PRKAR2B: variants seen among roughly 807,000 people sequenced by gnomAD.
The protein encoded by PRKAR2B is protein kinase cAMP-dependent type II regulatory subunit beta, also known as cAMP-dependent protein kinase type II-beta regulatory subunit.
Under a neutral mutation model 49.9 loss-of-function variants are expected in PRKAR2B, and 14 were observed. The observed-to-expected ratio is 0.28, with a 90% CI of 0.19 to 0.44. The LOEUF is 0.44. Among genes scored for constraint, PRKAR2B ranks in the 20% least tolerant of loss-of-function variants. The pLI, the probability that PRKAR2B is intolerant of heterozygous loss-of-function variation, is 1.00. For synonymous variants in PRKAR2B, 196 were observed against 197.7 expected (o/e 0.99, Z 0.07); for missense variants, 393 against 537.9 (o/e 0.73, Z 2.67).
chr7:107,049,526 G>A (rs1793760845), intron 1 of PRKAR2B, among the ~76,000 whole-genome samples: 1 of 152,116 alleles, frequency 6.6e-6, no homozygotes, highest in Non-Finnish European at 1.5e-5. Context: ...ACAGTTCAAA[G>A]GGAATTTGGA....
chr7:107,084,666 A>G (rs1794581473), intron 2 of PRKAR2B, among the ~76,000 whole-genome samples: 1 of 148,800 alleles, frequency 6.7e-6, no homozygotes, highest in Non-Finnish European at 1.5e-5. Flanking sequence ...TGTCACCCAC[A>G]CTGGAGTGCA....
intron 1 of PRKAR2B, among the ~76,000 whole-genome samples, chr7:107,055,876 A>G (rs199776433): frequency 0.072 from 10,897 of 152,234 alleles, 438 homozygotes; most frequent in Middle Eastern, 0.095. Flanking sequence ...TGTTTTAGAC[A>G]TGAAGTCCTT....
At chr7:107,147,981 C>T (rs1488985718) in intron 6 of PRKAR2B, among the ~76,000 whole-genome samples, 1 of 152,174 alleles carries the variant, frequency 6.6e-6, no homozygotes, top group Non-Finnish European at 1.5e-5. Flanking sequence ...AGACATTTTA[C>T]ATTTCTTTTA....
intron 2 of PRKAR2B, among the ~76,000 whole-genome samples, chr7:107,105,371 A>G (rs1795052273): frequency 6.6e-6 from 1 of 152,190 alleles, no homozygotes. Context: ...CTTCCCAGTA[A>G]AGGAATAGGA....
chr7:107,094,179 T>C (rs1211673874), intron 2 of PRKAR2B, among the ~76,000 whole-genome samples: 2 of 152,174 alleles, frequency 1.3e-5, no homozygotes, highest in Admixed American at 1.3e-4. Context: ...ACCTGTTGTT[T>C]CCTGACTTTT....
At chr7:107,093,997 C>T (rs966367402) in intron 2 of PRKAR2B, among the ~76,000 whole-genome samples, 5 of 152,140 alleles carry the variant, frequency 3.3e-5, no homozygotes, top group East Asian at 1.9e-4. Context: ...TTTATAGCAG[C>T]ATGATTTATA....
In PRKAR2B at chr7:107,074,154, T is replaced by G. The variant is rs527305896; in HGVS notation, c.343+3838T>G. Among the ~76,000 whole-genome samples, 346 of 152,252 alleles carry G rather than the reference T, an allele frequency of 2.3e-3. 1 individual carries two copies. The highest frequency in any genetic ancestry group is 7.1e-3 in the Admixed American group (108 of 15,296). ...TATTTGAGATGGAGCCTTGCTCTGTTGCCCAGGCTGGAGTGCAGTGGCACG... is the reference window on the plus strand; with the variant it reads ...TATTTGAGATGGAGCCTTGCTCTGTGGCCCAGGCTGGAGTGCAGTGGCACG... On this transcript the variant is annotated intron_variant, in intron 2 of 10. Coordinates refer to ENST00000265717, the MANE Select transcript of PRKAR2B (RefSeq NM_002736.3).
intron 2 of PRKAR2B, among the ~76,000 whole-genome samples, chr7:107,101,875 C>CTTTTTTTTTTTTTTTTTTTT (rs10589473): frequency 9.6e-5 from 9 of 94,232 alleles, no homozygotes; most frequent in African/African-American, 2.1e-4. Context: ...AGCCCTGATC[C>CTTTTTTTTTTTTTTTTTTTT]TTTTTTTTTT....
chr7:107,105,662 G>C (rs1331352387), intron 2 of PRKAR2B, among the ~76,000 whole-genome samples: 1 of 152,186 alleles, frequency 6.6e-6, no homozygotes, highest in Admixed American at 6.5e-5. Context: ...GGGCCTATCA[G>C]TCCTCTATTC....
rs148587410 is a variant in PRKAR2B, at chr7:107,076,793, AAATT to A, written c.343+6481_343+6484del. Reference sequence around the variant, plus strand: ...TATGATGTAGAATAATTCACAGGTGAAATTAATCTTTAAATTTCAATCTCACACA... The same window carrying A: ...TATGATGTAGAATAATTCACAGGTGAAATCTTTAAATTTCAATCTCACACA... On this transcript the variant is annotated intron_variant, in intron 2 of 10. Coordinates refer to ENST00000265717, the MANE Select transcript of PRKAR2B (RefSeq NM_002736.3). Among the ~76,000 whole-genome samples the A allele has an allele frequency of 1.9e-3, 293 of 152,342 alleles. 1 individual carries two copies. The highest frequency in any genetic ancestry group is 3.4e-3 in the Middle Eastern group (1 of 294).
At chr7:107,130,546 C>T (rs1371564211) in intron 4 of PRKAR2B, among the ~76,000 whole-genome samples, 1 of 151,946 alleles carries the variant, frequency 6.6e-6, no homozygotes, top group Non-Finnish European at 1.5e-5. Context: ...AAAAGTTATG[C>T]CAAACCCTTG....
At chr7:107,054,734 A>G (rs935622685) in intron 1 of PRKAR2B, among the ~76,000 whole-genome samples, 1 of 152,190 alleles carries the variant, frequency 6.6e-6, no homozygotes, top group African/African-American at 2.4e-5. Flanking sequence ...GTTTTTTAAA[A>G]TATTGAACAC....
rs190386597 is a variant in PRKAR2B at position 107,104,070 on chromosome 7, G to A, written c.344-17882G>A. Among the ~76,000 whole-genome samples, 518 of 150,836 alleles carry A rather than the reference G, an allele frequency of 3.4e-3. 4 individuals are homozygous for A. The highest frequency in any genetic ancestry group is 0.012 in the African/African-American group (493 of 41,036). ...TTTTGAGACGGAGTCTCGCACTTTT[G>A]GTCCAGGCTGGAGTGCAGTGGCACG... On this transcript the variant is annotated intron_variant, in intron 2 of 10. Coordinates refer to ENST00000265717, the MANE Select transcript of PRKAR2B (RefSeq NM_002736.3).
intron 4 of PRKAR2B, among the ~76,000 whole-genome samples, chr7:107,140,401 A>G (rs1795771116): frequency 6.6e-6 from 1 of 152,236 alleles, no homozygotes; most frequent in African/African-American, 2.4e-5. Context: ...GATTGGAATC[A>G]GGATCTAAAT....
At chr7:107,059,087 A>G (rs1350244832) in intron 1 of PRKAR2B, among the ~76,000 whole-genome samples, 1 of 152,058 alleles carries the variant, frequency 6.6e-6, no homozygotes, top group Non-Finnish European at 1.5e-5. Context: ...CAGGAGTTCG[A>G]GACCACCCTG....
At chr7:107,104,731 C>T (rs969919282) in intron 2 of PRKAR2B, among the ~76,000 whole-genome samples, 2 of 152,138 alleles carry the variant, frequency 1.3e-5, no homozygotes, top group Non-Finnish European at 2.9e-5. Flanking sequence ...AGAGTGTCTG[C>T]ATTAGTCCAT....
chr7:107,160,809 G>C lies in PRKAR2B; in HGVS notation c.*1227G>C, dbSNP rs1203994071. Reference sequence around the variant, plus strand: ...TTGAAATTAGTGCAGAAAGAACTCAGATGTACTAGATTTTCATTGTTCATT... The same window carrying C: ...TTGAAATTAGTGCAGAAAGAACTCACATGTACTAGATTTTCATTGTTCATT... On this transcript the variant is annotated 3_prime_UTR_variant, in exon 11 of 11. Coordinates refer to ENST00000265717, the MANE Select transcript of PRKAR2B (RefSeq NM_002736.3). The C allele has an allele frequency of 1.3e-5, 2 of 152,158 alleles. No homozygotes were observed. Among genetic ancestry groups the C allele is most frequent in the African/African-American group, 4.8e-5 (2 of 41,450 alleles). 9.4% of individuals were successfully genotyped at this position (152,158 alleles called of 1,614,324 possible).
chr7:107,102,788 A>G (rs1794997477), intron 2 of PRKAR2B, among the ~76,000 whole-genome samples: 1 of 152,186 alleles, frequency 6.6e-6, no homozygotes, highest in Non-Finnish European at 1.5e-5. Flanking sequence ...CTCTGGCCTC[A>G]GCCTCCTGAG....
At chr7:107,117,455 A>G (rs1278779789) in intron 2 of PRKAR2B, among the ~76,000 whole-genome samples, 1 of 152,170 alleles carries the variant, frequency 6.6e-6, no homozygotes, top group Non-Finnish European at 1.5e-5. Flanking sequence ...AGGCCTCTAA[A>G]CCACGCATTC....
Sources: allele counts gnomAD v4.1 joint callset (sites outside exome capture counted in the v4.1 genomes callset), GRCh38; gene constraint gnomAD v4.1.1; transcripts MANE v1.5; gene names NCBI Gene and HGNC (gene_info 2026-07-23, HGNC 2026-07-21).